ZMYND8: variants seen among roughly 807,000 people sequenced by gnomAD.
ZMYND8 encodes the protein MYND-type zinc finger-containing chromatin reader ZMYND8.
In ZMYND8, 37 loss-of-function variants were observed where a neutral mutation model predicts 140.8. The observed-to-expected ratio is 0.26, with a 90% confidence interval of 0.20 to 0.35. The LOEUF is 0.35. Ranked by LOEUF, ZMYND8 falls within the 10% of genes least tolerant of loss-of-function variation. The pLI is 1.00. For missense variants in ZMYND8, 1,068 were observed against 1,570.0 expected, an observed-to-expected ratio of 0.68 and a Z score of 5.40; for synonymous variants, 592 against 597.1, an observed-to-expected ratio of 0.99 and a Z score of 0.12.
At chr20:47,317,172 T>C (rs1259789912) in intron 2 of ZMYND8, among the ~76,000 whole-genome samples, 1 of 152,192 alleles carries the variant, frequency 6.6e-6, no homozygotes, top group Non-Finnish European at 1.5e-5. Flanking sequence ...ACAGAGAAGG[T>C]CCAACAAACA....
intron 13 of ZMYND8, 121 bp from the exon 14 acceptor site, chr20:47,246,638 A>G: frequency 3.6e-6 from 5 of 1,377,404 alleles, no homozygotes; most frequent in Non-Finnish European, 4.8e-6. Flanking sequence ...AAATCGCATC[A>G]CATTGGCCTA....
intron 11 of ZMYND8, among the ~76,000 whole-genome samples, chr20:47,270,713 A>C (rs34064663): frequency 2.3e-5 from 3 of 128,198 alleles, no homozygotes; most frequent in African/African-American, 8.5e-5. Context: ...AAAAAAAAAA[A>C]AAAAAAGAAA....
chr20:47,332,216 C>T (rs2081015123), intron 2 of ZMYND8, among the ~76,000 whole-genome samples: 2 of 152,084 alleles, frequency 1.3e-5, no homozygotes, highest in South Asian at 2.1e-4. Context: ...GAGGCTGAGA[C>T]ATGAGAATCA....
intron 13 of ZMYND8, among the ~76,000 whole-genome samples, chr20:47,247,501 C>T (rs2147300054): frequency 6.6e-6 from 1 of 152,314 alleles, no homozygotes; most frequent in East Asian, 1.9e-4. Flanking sequence ...TACACACAAA[C>T]AAAAATGGGC....
chr20:47,257,277 T>C lies in ZMYND8; in HGVS notation c.1621+5011A>G, dbSNP rs563706408. Among the ~76,000 whole-genome samples, 147 of 151,944 alleles carry C rather than the reference T, an allele frequency of 9.7e-4. 1 individual carries two copies. Among genetic ancestry groups the C allele is most frequent in the Non-Finnish European group, 7.9e-4 (54 of 67,986 alleles). ...GTCATATACCATACACACACACAAA[T>C]ACCATATACTCATATACCACATATA... is the stretch of plus-strand genomic sequence containing the variant. On this transcript the variant is annotated intron_variant, in intron 12 of 22. Transcript: ENST00000471951.
intron 3 of ZMYND8, among the ~76,000 whole-genome samples, chr20:47,306,342 G>A (rs1484017755): frequency 1.3e-5 from 2 of 151,974 alleles, no homozygotes; most frequent in African/African-American, 2.4e-5. Flanking sequence ...CTGCAGAGCC[G>A]GGGAGGTTGA....
Position 47,210,901 on chromosome 20 carries a change from A to AG in ZMYND8, c.3569-5dup. ...GATTTATTACTCCGGGAATGGTCTGAGGGGGAAAACCAATGTGTTTAGCGT... is the reference window on the plus strand; with the variant it reads ...GATTTATTACTCCGGGAATGGTCTGAGGGGGGAAAACCAATGTGTTTAGCGT... On this transcript the variant is annotated splice_polypyrimidine_tract_variant and splice_region_variant and intron_variant, in intron 22 of 22. Transcript: ENST00000471951. 6.2e-7 allele frequency: 1 copy of AG among 1,613,228 alleles called. No homozygotes were observed. Among genetic ancestry groups the AG allele is most frequent in the African/African-American group, 1.3e-5 (1 of 74,954 alleles).
At position 47,238,846 on chromosome 20, in the gene ZMYND8, A is replaced by C. The variant is rs1337719530; in HGVS notation, c.2577T>G (p.Arg859=). The change falls in exon 15 of 23, where the codon CGT becomes CGG. Residue 859 remains arginine, a synonymous_variant. Transcript: ENST00000471951. ...TTTGCTGCTGCTGCTGCTGCTGCTG[A>C]CGCTGCATCTTCTGCATGTGCCACT... ...SQKWHMQKMQ[R]QQQQQQQQNQ... 5.0e-6 allele frequency: 8 copies of C among 1,612,732 alleles called. No homozygotes were observed. The highest frequency in any genetic ancestry group is 2.7e-5 in the African/African-American group (2 of 74,890).
At chr20:47,275,713 C>T (rs2076216017) in intron 11 of ZMYND8, among the ~76,000 whole-genome samples, 1 of 152,056 alleles carries the variant, frequency 6.6e-6, no homozygotes, top group African/African-American at 2.4e-5. Flanking sequence ...GGCAATCCTC[C>T]CACCTCAACT....
In ZMYND8 at chr20:47,290,280, A is replaced by C; in HGVS notation, c.661-6T>G. Reference sequence around the variant, plus strand: ...TACATTTTCTTTTTCGCATTCTGGGAAGAAAAGCGATGGAGCATAATCACA... The same window carrying C: ...TACATTTTCTTTTTCGCATTCTGGGCAGAAAAGCGATGGAGCATAATCACA... On this transcript the variant is annotated splice_polypyrimidine_tract_variant and splice_region_variant and intron_variant, in intron 6 of 22. Coordinates refer to ENST00000471951, the MANE Select transcript of ZMYND8 (RefSeq NM_001281775.3). The C allele has an allele frequency of 6.2e-7, 1 of 1,613,052 alleles. No individual in the cohort carries two copies. The highest frequency in any genetic ancestry group is 8.5e-7 in the Non-Finnish European group (1 of 1,179,602).
rs148673084 is a variant in ZMYND8 at position 47,301,216 on chromosome 20, G to A, written c.235-2269C>T. On this transcript the variant is annotated intron_variant, in intron 3 of 22. Coordinates refer to ENST00000471951, the MANE Select transcript of ZMYND8 (RefSeq NM_001281775.3). ...GTTGCCCAGGATAGAGTGCAATGGC[G>A]TGATCTCGGCTCACTGCAACCTCTG... Among the ~76,000 whole-genome samples, 864 of 148,882 alleles carry A rather than the reference G, an allele frequency of 5.8e-3. 7 individuals are homozygous for A. Among genetic ancestry groups the A allele is most frequent in the South Asian group, 0.046 (213 of 4,664 alleles).
At chr20:47,248,551 T>C (rs2073914583) in intron 13 of ZMYND8, among the ~76,000 whole-genome samples, 1 of 152,204 alleles carries the variant, frequency 6.6e-6, no homozygotes, top group Non-Finnish European at 1.5e-5. Flanking sequence ...CTAGCTTTAC[T>C]TACTTATTCA....
At chr20:47,310,431 T>TTGG in intron 2 of ZMYND8, among the ~76,000 whole-genome samples, 1 of 152,316 alleles carries the variant, frequency 6.6e-6, no homozygotes, top group East Asian at 1.9e-4. Context: ...TTGTAAAATC[T>TTGG]TAACTTGTTG....
Position 47,246,038 on chromosome 20 carries a change from CCTT to C in ZMYND8, c.2251_2253del (p.Lys751del), listed in dbSNP as rs771320787. ...TGTTTGGGAGATGGTTCTTTGGGTT[CCTT>C]CTTATTTTTTCGACCCTCCCGCCCA... On this transcript the variant is annotated inframe_deletion, in exon 14 of 23. Transcript: ENST00000471951. The C allele has an allele frequency of 4.4e-6, 7 of 1,604,294 alleles. No homozygotes were observed. The African/African-American group carries it at 9.4e-5, about 22-fold the overall frequency.
At chr20:47,249,161 T>C (rs2147324519) in intron 13 of ZMYND8, 126 bp downstream of exon 13, 9 of 1,146,740 alleles carry the variant, frequency 7.8e-6, no homozygotes, top group Non-Finnish European at 1.1e-5. Context: ...GCTGAGCAAA[T>C]AGTTGAAAGT....
intron 2 of ZMYND8, among the ~76,000 whole-genome samples, chr20:47,331,760 G>A (rs938730653): frequency 1.3e-5 from 2 of 152,184 alleles, no homozygotes; most frequent in Non-Finnish European, 2.9e-5. Flanking sequence ...CAGTACTGCA[G>A]AGACAGCGCA....
intron 2 of ZMYND8, among the ~76,000 whole-genome samples, chr20:47,317,585 C>G (rs564727140): frequency 6.6e-6 from 1 of 152,342 alleles, no homozygotes; most frequent in African/African-American, 2.4e-5. Flanking sequence ...GACAGCAAGC[C>G]TGCTGGGGCC....
intron 16 of ZMYND8, among the ~76,000 whole-genome samples, chr20:47,230,409 G>C (rs2038304016): frequency 6.6e-6 from 1 of 151,812 alleles, no homozygotes. Context: ...TCCTGCCTCA[G>C]CCTCCCAAGT....
At chr20:47,249,069 A>G (rs1449981905) in intron 13 of ZMYND8, among the ~76,000 whole-genome samples, 1 of 152,218 alleles carries the variant, frequency 6.6e-6, no homozygotes, top group Non-Finnish European at 1.5e-5. Context: ...TGCTTTCACC[A>G]AAGAATAAAC....
Sources: allele counts gnomAD v4.1 joint callset (sites outside exome capture counted in the v4.1 genomes callset), GRCh38; gene constraint gnomAD v4.1.1; transcripts MANE v1.5; gene names NCBI Gene and HGNC (gene_info 2026-07-23, HGNC 2026-07-21).